The following ZNF469 variants were observed in gnomAD, a reference collection of about 807,000 sequenced individuals.
ZNF469 encodes zinc finger protein 469.
Under a neutral mutation model 1.0 loss-of-function variants are expected in ZNF469, and 1 was observed. The observed-to-expected ratio is 1.00, with a 90% confidence interval of 0.35 to 4.73. The LOEUF (loss-of-function observed/expected upper bound fraction) is 4.73, where lower values mean the gene tolerates loss of function less well. Among genes scored for constraint, ZNF469 ranks in the 30% most tolerant of loss-of-function variants. The pLI is 0.16. For missense variants in ZNF469, 6,100 were observed against 5,356.3 expected (o/e 1.14, Z -4.33); for synonymous variants, 2,703 against 2,363.4 (o/e 1.14, Z -4.17).
chr16:88,432,332 C>G lies in ZNF469; in HGVS notation c.4862C>G (p.Thr1621Arg), dbSNP rs764967759. 2 of 1,548,150 alleles carry G rather than the reference C, an allele frequency of 1.3e-6. No homozygotes were observed. Among genetic ancestry groups the G allele is most frequent in the Non-Finnish European group, 1.7e-6 (2 of 1,146,886 alleles). The change falls in exon 3 of 3, where the codon ACG becomes AGG. Residue 1621 changes from threonine (T) to arginine (R), a missense_variant. Coordinates refer to ENST00000565624, the MANE Select transcript of ZNF469 (RefSeq NM_001367624.2). ...CAGGCCACCGTGCCCCACGAGGACA[C>G]GTTCTCGGCAGCTGACCTCACGCGC... ...TCQATVPHED[T>R]FSAADLTRVG...
the ZNF469 span, among the ~76,000 whole-genome samples, chr16:88,116,971 A>G: frequency 5.0e-4 from 55 of 110,542 alleles, no homozygotes; most frequent in South Asian, 6.0e-3. Context: ...ACACACACAC[A>G]CACACACACA....
In ZNF469 at chr16:88,439,472, C is replaced by G. The variant is rs1175794363; in HGVS notation, c.*140C>G. ...AACTGCTCAGGCCTTGATGTCAGAG[C>G]TGAGGTGGTGATGCTTTGAACAGGG... is the stretch of plus-strand genomic sequence containing the variant. On this transcript the variant is annotated 3_prime_UTR_variant, in exon 3 of 3. Transcript: ENST00000565624. 4.2e-6 allele frequency: 4 copies of G among 950,978 alleles called. No homozygotes were observed. Among genetic ancestry groups the G allele is most frequent in the Non-Finnish European group, 6.4e-6 (4 of 622,400 alleles). The allele number at this position is 950,978 out of a possible 1,614,324, so 58.9% of individuals were successfully genotyped here.
At chr16:88,195,060 CTTTCAGA>C in the ZNF469 span, 1 of 152,254 alleles carries the variant, frequency 6.6e-6, no homozygotes, top group African/African-American at 2.4e-5. Context: ...CCCTTGTCGC[CTTTCAGA>C]TCTGACGGGA....
the ZNF469 span, among the ~76,000 whole-genome samples, chr16:88,134,726 C>G: frequency 6.6e-6 from 1 of 152,228 alleles, no homozygotes; most frequent in African/African-American, 2.4e-5. Flanking sequence ...TCCCTGCCGT[C>G]TGGCAGGTGG....
the ZNF469 span, among the ~76,000 whole-genome samples, chr16:88,374,744 G>GTGTGCGGTGGGCTGAGCTCGGCGCCA: frequency 3.3e-5 from 5 of 152,074 alleles, 1 homozygote; most frequent in African/African-American, 9.7e-5. Context: ...GCTCGGCGCC[G>GTGTGCGGTGGGCTGAGCTCGGCGCCA]TGTGCTGTGG....
the ZNF469 span, among the ~76,000 whole-genome samples, chr16:88,303,576 C>T: frequency 6.6e-6 from 1 of 152,170 alleles, no homozygotes; most frequent in African/African-American, 2.4e-5. Flanking sequence ...ATCTCAGAAC[C>T]GCAGAGTTGG....
At chr16:88,214,489 T>A in the ZNF469 span, among the ~76,000 whole-genome samples, 1,190 of 151,188 alleles carry the variant, frequency 7.9e-3, 23 homozygotes, top group African/African-American at 0.028. Context: ...TTTTAGAAGG[T>A]ATGGTTTTAT....
the ZNF469 span, among the ~76,000 whole-genome samples, chr16:88,357,640 C>T: frequency 1.1e-4 from 16 of 152,156 alleles, no homozygotes; most frequent in Non-Finnish European, 1.5e-4. Flanking sequence ...GGGGCCCGGG[C>T]TTGGTTTGAG....
At chr16:88,129,732 C>T in the ZNF469 span, among the ~76,000 whole-genome samples, 9 of 152,250 alleles carry the variant, frequency 5.9e-5, no homozygotes, top group South Asian at 2.1e-4. Flanking sequence ...TGGTGGCGCA[C>T]GCCTGCAGTC....
chr16:88,196,403 G>A, the ZNF469 span, among the ~76,000 whole-genome samples: 349 of 152,258 alleles, frequency 2.3e-3, 1 homozygote, highest in Non-Finnish European at 3.5e-3. Context: ...GGGAAATTTG[G>A]GTTTGAGCAG....
chr16:88,354,990 T>A, the ZNF469 span, among the ~76,000 whole-genome samples: 1 of 152,104 alleles, frequency 6.6e-6, no homozygotes, highest in East Asian at 1.9e-4. Flanking sequence ...TCTAGGCCCT[T>A]GTCCCCGCTA....
chr16:88,345,763 A>C, the ZNF469 span, among the ~76,000 whole-genome samples: 74,412 of 151,974 alleles, frequency 0.49, 18,676 homozygotes, highest in African/African-American at 0.61. Flanking sequence ...ACTCCCCCGG[A>C]CTGGAAGAAG....
chr16:88,144,013 AGGCGCAGGGGAAAC>A, the ZNF469 span, among the ~76,000 whole-genome samples: 1 of 147,834 alleles, frequency 6.8e-6, no homozygotes, highest in Non-Finnish European at 1.5e-5. Context: ...GCCACGTGCC[AGGCGCAGGGGAAAC>A]GGCGCAGGGT....
chr16:88,325,748 C>A, the ZNF469 span, among the ~76,000 whole-genome samples: 4 of 152,234 alleles, frequency 2.6e-5, no homozygotes, highest in Non-Finnish European at 4.4e-5. Context: ...AGGGCCTTGC[C>A]ACTCAAATGC....
At chr16:88,200,265 G>C in the ZNF469 span, among the ~76,000 whole-genome samples, 1 of 152,240 alleles carries the variant, frequency 6.6e-6, no homozygotes, top group East Asian at 1.9e-4. Context: ...ACGGAGAAAG[G>C]GCTAGCCTGT....
At position 88,437,778 on chromosome 16, in the gene ZNF469, C is replaced by T; in HGVS notation, c.10308C>T (p.His3436=). 1.3e-6 allele frequency: 2 copies of T among 1,549,476 alleles called. No homozygotes were observed. The highest frequency in any genetic ancestry group is 1.7e-6 in the Non-Finnish European group (2 of 1,146,420). ...TFAKKEQFDR[H]MNKHLRGGRQ... ...CCAAGAAGGAGCAGTTCGACCGCCA[C>T]ATGAACAAGCACCTCAGGGGGGGGC... Residue 3436 remains histidine (H), a synonymous_variant, in exon 3 of 3, where the codon CAC becomes CAT. Transcript: ENST00000565624.
chr16:88,130,342 C>T, the ZNF469 span, among the ~76,000 whole-genome samples: 3 of 152,226 alleles, frequency 2.0e-5, no homozygotes, highest in East Asian at 1.9e-4. Flanking sequence ...AACGTGATAT[C>T]GGCGTCCCTA....
intron 1 of ZNF469, among the ~76,000 whole-genome samples, chr16:88,403,193 G>A (rs896127472): frequency 2.6e-5 from 4 of 152,224 alleles, no homozygotes; most frequent in Non-Finnish European, 2.9e-5. Flanking sequence ...CTGTCCGTCC[G>A]TTGCCAGGGC....
the ZNF469 span, among the ~76,000 whole-genome samples, chr16:88,244,509 G>A: frequency 2.7e-3 from 398 of 149,668 alleles, 2 homozygotes; most frequent in African/African-American, 8.9e-3. Context: ...GCATGTATTC[G>A]TGGATGGATG....
Sources: gnomAD v4.1 joint callset for allele counts (sites outside exome capture counted in the v4.1 genomes callset) on GRCh38, gnomAD v4.1.1 for gene constraint, MANE v1.5 for transcripts, NCBI Gene and HGNC (gene_info 2026-07-23, HGNC 2026-07-21) for gene names.